SHC4: variants seen among roughly 807,000 people sequenced by gnomAD.
The protein encoded by SHC4 is SHC adaptor protein 4.
SHC4 carries 41 observed loss-of-function variants against 69.4 expected under a neutral mutation model. That is an observed-to-expected ratio of 0.59 (90% confidence interval 0.46 to 0.77). The LOEUF is 0.77. Among genes scored for constraint, SHC4 ranks in the 30% least tolerant of loss-of-function variants. SHC4 has a pLI of 0.00. For missense variants in SHC4, 777 were observed against 783.8 expected, an observed-to-expected ratio of 0.99 and a Z score of 0.10; for synonymous variants, 318 against 299.3, an observed-to-expected ratio of 1.06 and a Z score of -0.64.
chr15:48,940,801 T>C (rs1253098882), intron 1 of SHC4, among the ~76,000 whole-genome samples: 2 of 152,232 alleles, frequency 1.3e-5, no homozygotes, highest in Non-Finnish European at 2.9e-5. Flanking sequence ...ACTGAAACCA[T>C]GACTCACATT....
intron 1 of SHC4, among the ~76,000 whole-genome samples, chr15:48,951,966 G>A (rs549053885): frequency 2.6e-5 from 4 of 152,178 alleles, no homozygotes; most frequent in Non-Finnish European, 5.9e-5. Flanking sequence ...TGGCCTGGGA[G>A]TAAGGAGATG....
chr15:48,877,580 A>G, intron 4 of SHC4: 1 of 985,244 alleles, frequency 1.0e-6, no homozygotes, highest in Non-Finnish European at 1.2e-6. Context: ...CATTGCTAAT[A>G]GTGGAAAGAT....
chr15:48,852,490 A>C (rs1349184108), intron 8 of SHC4, among the ~76,000 whole-genome samples: 1 of 152,222 alleles, frequency 6.6e-6, no homozygotes. Context: ...ATGTTTAAAA[A>C]TACTCATAAT....
chr15:48,952,350 G>C (rs1901377969), intron 1 of SHC4, among the ~76,000 whole-genome samples: 1 of 152,124 alleles, frequency 6.6e-6, no homozygotes, highest in Non-Finnish European at 1.5e-5. Flanking sequence ...GACAGGCTCT[G>C]CTCTTAAAAT....
At chr15:48,896,422 G>A (rs1336486545) in intron 2 of SHC4, among the ~76,000 whole-genome samples, 1 of 151,724 alleles carries the variant, frequency 6.6e-6, no homozygotes, top group Non-Finnish European at 1.5e-5. Flanking sequence ...TAGGGTTCAA[G>A]CGATTCTCCT....
At chr15:48,874,699 C>T (rs552322625) in intron 4 of SHC4, among the ~76,000 whole-genome samples, 1 of 152,266 alleles carries the variant, frequency 6.6e-6, no homozygotes, top group African/African-American at 2.4e-5. Flanking sequence ...TTTGACTGCA[C>T]AGAGACCATA....
At position 48,884,407 on chromosome 15, in the gene SHC4, AT is replaced by A. The variant is rs1595745102; in HGVS notation, c.721-41del. 5.2e-6 allele frequency: 8 copies of A among 1,531,232 alleles called. No homozygotes were observed. In the East Asian group the frequency reaches 1.9e-4, roughly 36 times the overall value. 94.9% of individuals were successfully genotyped at this position (1,531,232 alleles called of 1,614,324 possible). On this transcript the variant is annotated intron_variant, in intron 3 of 11. Transcript: ENST00000332408. Reference sequence around the variant, plus strand: ...GAAGAAAAACAAAACACTGTTAGGAATTTTGTTACAGAATAAATGTTAATGT... The same window carrying A: ...GAAGAAAAACAAAACACTGTTAGGAATTTGTTACAGAATAAATGTTAATGT...
chr15:48,899,678 C>T (rs1900287504), intron 2 of SHC4, among the ~76,000 whole-genome samples: 1 of 151,510 alleles, frequency 6.6e-6, no homozygotes, highest in Non-Finnish European at 1.5e-5. Flanking sequence ...TGTGTGTGCA[C>T]CTCTGGAAGG....
At chr15:48,850,029 C>G (rs1899176163) in intron 9 of SHC4, among the ~76,000 whole-genome samples, 1 of 152,066 alleles carries the variant, frequency 6.6e-6, no homozygotes, top group Admixed American at 6.5e-5. Context: ...ATGGCGAAAC[C>G]CCGTTTCTAC....
chr15:48,877,517 T>C (rs1023809446), intron 4 of SHC4: 101 of 984,112 alleles, frequency 1.0e-4, no homozygotes, highest in Non-Finnish European at 2.7e-5. Flanking sequence ...TTGCTGTCAA[T>C]ACATAAAGAT....
At chr15:48,942,027 A>T (rs1439637271) in intron 1 of SHC4, among the ~76,000 whole-genome samples, 1 of 152,182 alleles carries the variant, frequency 6.6e-6, no homozygotes, top group Admixed American at 6.5e-5. Context: ...AATAATCAGG[A>T]TTGAGCCTAA....
Position 48,889,761 on chromosome 15 carries a change from T to G in SHC4, c.720+987A>C, listed in dbSNP as rs545444807. Reference sequence around the variant, plus strand: ...CGGGGGGCTGAGGCAGGAGAATGGCTTGAATCCGGGAGGCGGAGCTTGCAG... The same window carrying G: ...CGGGGGGCTGAGGCAGGAGAATGGCGTGAATCCGGGAGGCGGAGCTTGCAG... On this transcript the variant is annotated intron_variant, in intron 3 of 11. Transcript: ENST00000332408. Among the ~76,000 whole-genome samples the G allele has an allele frequency of 4.5e-4, 68 of 152,216 alleles. 1 individual carries two copies. The highest frequency in any genetic ancestry group is 1.6e-3 in the African/African-American group (67 of 41,552).
chr15:48,946,917 A>G (rs1901287252), intron 1 of SHC4, among the ~76,000 whole-genome samples: 1 of 151,724 alleles, frequency 6.6e-6, no homozygotes, highest in South Asian at 2.1e-4. Flanking sequence ...TGCATTTGAA[A>G]AGGTTGAGAA....
At chr15:48,835,144 T>C (rs1898877010) in intron 10 of SHC4, 122 bp from the exon 11 acceptor site, 2 of 1,257,680 alleles carry the variant, frequency 1.6e-6, no homozygotes, top group Non-Finnish European at 2.2e-6. Flanking sequence ...GTTTAAATAA[T>C]ACTGCTTGGG....
chr15:48,842,898 C>T (rs1253695621), intron 10 of SHC4, among the ~76,000 whole-genome samples: 1 of 151,916 alleles, frequency 6.6e-6, no homozygotes. Context: ...GCCACTGTAC[C>T]CCAGCCTGGG....
intron 2 of SHC4, among the ~76,000 whole-genome samples, chr15:48,903,990 A>AT (rs1021665598): frequency 1.1e-4 from 17 of 152,148 alleles, no homozygotes; most frequent in African/African-American, 3.4e-4. Context: ...TATCTCACAC[A>AT]TTTTTTTTCT....
At chr15:48,921,540 T>C (rs1201970626) in intron 2 of SHC4, among the ~76,000 whole-genome samples, 1 of 152,150 alleles carries the variant, frequency 6.6e-6, no homozygotes, top group African/African-American at 2.4e-5. Flanking sequence ...TTCACCATGT[T>C]GATCAGGTGA....
At chr15:48,918,901 G>C (rs1248186393) in intron 2 of SHC4, among the ~76,000 whole-genome samples, 2 of 151,982 alleles carry the variant, frequency 1.3e-5, no homozygotes, top group South Asian at 4.1e-4. Flanking sequence ...TCTTTGATGG[G>C]GTTTTTCCTT....
intron 2 of SHC4, among the ~76,000 whole-genome samples, chr15:48,894,437 G>A (rs1470627124): frequency 2.0e-5 from 3 of 152,144 alleles, no homozygotes. Flanking sequence ...TTGCTAGTGT[G>A]AGGCAAAGGT....
Sources: gnomAD v4.1 joint callset for allele counts (sites outside exome capture counted in the v4.1 genomes callset) on GRCh38, gnomAD v4.1.1 for gene constraint, MANE v1.5 for transcripts, NCBI Gene and HGNC (gene_info 2026-07-23, HGNC 2026-07-21) for gene names.